Variants in RFX7 observed in about 807,000 individuals in gnomAD.
RFX7 encodes the protein DNA-binding protein RFX7.
A neutral mutation model predicts 111.8 loss-of-function variants in RFX7; 26 were observed. That is an observed-to-expected ratio of 0.23 (90% CI 0.17 to 0.32). The LOEUF (loss-of-function observed/expected upper bound fraction) is 0.32. Among genes scored for constraint, RFX7 ranks in the 10% least tolerant of loss-of-function variants. The pLI is 1.00. For synonymous variants in RFX7, 624 were observed against 624.4 expected (o/e 1.00, Z 0.01); for missense variants, 1,573 against 1,772.9 (o/e 0.89, Z 2.02).
At chr15:56,134,290 A>G (rs1282060351) in intron 5 of RFX7, among the ~76,000 whole-genome samples, 2 of 152,150 alleles carry the variant, frequency 1.3e-5, no homozygotes, top group Non-Finnish European at 2.9e-5. Flanking sequence ...TTACAACACA[A>G]ATTTTATTAT....
intron 3 of RFX7, among the ~76,000 whole-genome samples, chr15:56,169,700 C>CTTTTTTTTTTT (rs35597885): frequency 1.0e-5 from 1 of 96,870 alleles, no homozygotes; most frequent in Non-Finnish European, 2.0e-5. Context: ...CTAGTCAGTT[C>CTTTTTTTTTTT]TTTTTTTTTT....
rs1445607895 is a variant in RFX7 at position 56,096,359 on chromosome 15, T to C, written c.1369A>G (p.Ile457Val). 1.2e-5 allele frequency: 19 copies of C among 1,613,826 alleles called. No individual in the cohort carries two copies. Among genetic ancestry groups the C allele is most frequent in the African/African-American group, 2.7e-5 (2 of 74,902 alleles). ...PTTVLFTSSP[I>V]KTAVVPASHM... ...GAAGCGGGTACAACAGCAGTTTTGA[T>C]GGGACTACTAGTAAAGAGGACAGTA... The change falls in exon 10 of 10, where the codon ATC becomes GTC. Residue 457 changes from isoleucine to valine, a missense_variant. Physicochemically the swap from Ile to Val is conservative, Grantham distance 29. Around this residue, in one of 7 missense-constraint regions of RFX7, gnomAD observed 15 missense variants for 32.4 expected, o/e 0.46. Transcript: ENST00000559447.
intron 2 of RFX7, among the ~76,000 whole-genome samples, chr15:56,202,045 A>AACAAT (rs2043198115): frequency 6.6e-6 from 1 of 152,006 alleles, no homozygotes; most frequent in Non-Finnish European, 1.5e-5. Context: ...AACAAAACAA[A>AACAAT]ACAAAACAAA....
intron 5 of RFX7, among the ~76,000 whole-genome samples, chr15:56,113,207 G>T (rs1308071188): frequency 6.6e-6 from 1 of 152,218 alleles, no homozygotes; most frequent in African/African-American, 2.4e-5. Flanking sequence ...GCAAATGTAT[G>T]TTTACTGCAG....
intron 5 of RFX7, among the ~76,000 whole-genome samples, chr15:56,132,729 C>T (rs534790134): frequency 3.6e-4 from 55 of 152,092 alleles, no homozygotes; most frequent in African/African-American, 1.3e-3. Flanking sequence ...AAACAGCAAT[C>T]TTGAAAAACA....
At chr15:56,213,409 T>G (rs2043331712) in intron 2 of RFX7, among the ~76,000 whole-genome samples, 1 of 152,162 alleles carries the variant, frequency 6.6e-6, no homozygotes, top group African/African-American at 2.4e-5. Flanking sequence ...ACCCAGTGAA[T>G]TATGCTGAGT....
At chr15:56,191,043 C>G (rs1318350833) in intron 2 of RFX7, among the ~76,000 whole-genome samples, 1 of 152,112 alleles carries the variant, frequency 6.6e-6, no homozygotes, top group Non-Finnish European at 1.5e-5. Flanking sequence ...CACTCTCTAC[C>G]CTCTGTGATA....
chr15:56,160,937 A>G (rs915249802), intron 3 of RFX7, among the ~76,000 whole-genome samples: 19 of 152,062 alleles, frequency 1.2e-4, no homozygotes, highest in African/African-American at 4.1e-4. Context: ...ATGTAAGAGG[A>G]AATTGTTTTT....
intron 2 of RFX7, among the ~76,000 whole-genome samples, chr15:56,212,715 T>G (rs2043325146): frequency 6.6e-6 from 1 of 152,136 alleles, no homozygotes; most frequent in Non-Finnish European, 1.5e-5. Flanking sequence ...AAGACAAGCT[T>G]TAGTGTAAAA....
At chr15:56,136,819 A>G (rs867986807) in intron 5 of RFX7, among the ~76,000 whole-genome samples, 1,988 of 144,926 alleles carry the variant, frequency 0.014, 42 homozygotes, top group African/African-American at 0.047. Context: ...GAGAGTTTTT[A>G]GCATGAAGGG....
At chr15:56,155,590 A>G (rs992600534) in intron 3 of RFX7, among the ~76,000 whole-genome samples, 1 of 152,118 alleles carries the variant, frequency 6.6e-6, no homozygotes, top group Admixed American at 6.5e-5. Context: ...CAGGGAGGGG[A>G]ACATCACACA....
chr15:56,224,768 A>G (rs2043464334), intron 2 of RFX7, among the ~76,000 whole-genome samples: 1 of 152,050 alleles, frequency 6.6e-6, no homozygotes, highest in African/African-American at 2.4e-5. Context: ...TTAATAGAGA[A>G]AACTTTTCAT....
intron 2 of RFX7, among the ~76,000 whole-genome samples, chr15:56,237,719 C>G (rs1228270586): frequency 6.6e-6 from 1 of 152,084 alleles, no homozygotes; most frequent in East Asian, 1.9e-4. Context: ...TATCCACTAC[C>G]CAACCTAAAC....
intron 2 of RFX7, among the ~76,000 whole-genome samples, chr15:56,200,153 A>G (rs1319077251): frequency 6.6e-6 from 1 of 152,168 alleles, no homozygotes; most frequent in Non-Finnish European, 1.5e-5. Context: ...CTGAACCTTC[A>G]GAGGTAGGTG....
chr15:56,103,288 C>G (rs1454747709), intron 6 of RFX7, among the ~76,000 whole-genome samples: 3 of 152,058 alleles, frequency 2.0e-5, no homozygotes, highest in African/African-American at 7.2e-5. Flanking sequence ...CAAAGGAGAT[C>G]AGACCATTAA....
chr15:56,180,383 A>G (rs2042956296), intron 2 of RFX7, among the ~76,000 whole-genome samples: 1 of 152,220 alleles, frequency 6.6e-6, no homozygotes, highest in Non-Finnish European at 1.5e-5. Flanking sequence ...GATAAAGGAT[A>G]GGTTAAGAGG....
chr15:56,131,925 C>A (rs2042223926), intron 5 of RFX7, among the ~76,000 whole-genome samples: 4 of 151,822 alleles, frequency 2.6e-5, no homozygotes, highest in African/African-American at 9.7e-5. Context: ...ATAAAAATAA[C>A]AGAAATCTAG....
chr15:56,156,279 T>C (rs1227035941), intron 3 of RFX7, among the ~76,000 whole-genome samples: 1 of 152,140 alleles, frequency 6.6e-6, no homozygotes, highest in Non-Finnish European at 1.5e-5. Context: ...TATTTTAATA[T>C]CTCATTTAAT....
chr15:56,158,443 A>C (rs1476134240), intron 3 of RFX7, among the ~76,000 whole-genome samples: 1 of 152,200 alleles, frequency 6.6e-6, no homozygotes, highest in Non-Finnish European at 1.5e-5. Context: ...AATTCTATCA[A>C]CAAGTATAGA....
Sources: gnomAD v4.1 joint callset for allele counts (sites outside exome capture counted in the v4.1 genomes callset) on GRCh38, gnomAD v4.1.1 for gene constraint, gnomAD v4.1.1 regional missense constraint, MANE v1.5 for transcripts, NCBI Gene and HGNC (gene_info 2026-07-23, HGNC 2026-07-21) for gene names.